CPA3: variants seen among roughly 807,000 people sequenced by gnomAD.
CPA3 encodes the protein mast cell carboxypeptidase A.
CPA3 carries 52 observed loss-of-function variants against 55.8 expected under a neutral mutation model. That is an observed-to-expected ratio of 0.93 (90% CI 0.75 to 1.17). The LOEUF is 1.17. CPA3 is among the 50% of genes most tolerant of loss of function. CPA3 has a pLI of 0.00. For missense variants in CPA3, 547 were observed against 509.1 expected (o/e 1.07, Z -0.72); for synonymous variants, 179 against 171.2 (o/e 1.05, Z -0.36).
intron 10 of CPA3, among the ~76,000 whole-genome samples, chr3:148,887,079 A>C (rs1295700641): frequency 6.6e-6 from 1 of 151,798 alleles, no homozygotes; most frequent in Non-Finnish European, 1.5e-5. Context: ...CTTGGCCTTG[A>C]TTTTCTTGTC....
At chr3:148,896,023 A>G (rs1714818083) in intron 10 of CPA3, among the ~76,000 whole-genome samples, 1 of 152,216 alleles carries the variant, frequency 6.6e-6, no homozygotes, top group Admixed American at 6.5e-5. Flanking sequence ...AGGAGATTAA[A>G]TATGTCTTTA....
At chr3:148,880,265 T>C (rs1714324092) in intron 6 of CPA3, among the ~76,000 whole-genome samples, 1 of 152,148 alleles carries the variant, frequency 6.6e-6, no homozygotes, top group African/African-American at 2.4e-5. Flanking sequence ...AGATAATACA[T>C]TGGCCGCACA....
rs9872788 is a variant in CPA3 at position 148,867,300 on chromosome 3, G to A, written c.145-1615G>A. Among the ~76,000 whole-genome samples the A allele has an allele frequency of 8.0e-4, 122 of 152,278 alleles. 1 individual carries two copies. Among genetic ancestry groups the A allele is most frequent in the African/African-American group, 1.1e-3 (47 of 41,570 alleles). On this transcript the variant is annotated intron_variant, in intron 2 of 10. Transcript: ENST00000296046. The stretch of plus-strand genomic sequence containing the variant: ...ACTCAGGCAGTGTCTCCTGCAGGAC[G>A]TCTCTTCTGTTCATCAACTCTCGTG...
rs569851077 is a variant in CPA3 at position 148,869,760 on chromosome 3, G to T, written c.269+721G>T. Among the ~76,000 whole-genome samples the T allele has an allele frequency of 3.3e-5, 5 of 152,254 alleles. No homozygotes were observed. In the South Asian group the frequency reaches 1.0e-3, roughly 32 times the overall value. ...GCCCTGGGCAGTGAATGAGAAGGAA[G>T]CCCAGCAATGAATATCATAAATCAA... is the stretch of plus-strand genomic sequence containing the variant. On this transcript the variant is annotated intron_variant, in intron 3 of 10. Transcript: ENST00000296046.
At chr3:148,874,404 GC>G (rs1198560765) in intron 3 of CPA3, among the ~76,000 whole-genome samples, 9 of 152,248 alleles carry the variant, frequency 5.9e-5, no homozygotes, top group Non-Finnish European at 1.2e-4. Context: ...AAAGCCACGT[GC>G]CCTTTTTAGA....
chr3:148,875,601 C>T (rs534723375), intron 3 of CPA3, among the ~76,000 whole-genome samples: 6 of 151,948 alleles, frequency 3.9e-5, no homozygotes, highest in African/African-American at 1.2e-4. Context: ...CTACTGATAA[C>T]AGTGTGTTCG....
intron 7 of CPA3, among the ~76,000 whole-genome samples, chr3:148,882,026 A>G (rs930969242): frequency 6.6e-6 from 1 of 152,196 alleles, no homozygotes; most frequent in African/African-American, 2.4e-5. Context: ...AGAGAGGTAC[A>G]GATACCTATT....
chr3:148,878,838 A>C (rs1714283867), intron 5 of CPA3, 90 bp downstream of exon 5: 1 of 728,944 alleles, frequency 1.4e-6, no homozygotes, highest in Non-Finnish European at 2.3e-6. Context: ...GCTAATTCTG[A>C]GCTAATACAT....
At chr3:148,888,773 A>G (rs755127189) in intron 10 of CPA3, among the ~76,000 whole-genome samples, 6 of 152,262 alleles carry the variant, frequency 3.9e-5, no homozygotes, top group Non-Finnish European at 8.8e-5. Context: ...GTGTGTATCC[A>G]CAAAAGTATG....
intron 10 of CPA3, among the ~76,000 whole-genome samples, chr3:148,887,509 G>A (rs555718884): frequency 6.6e-6 from 1 of 152,210 alleles, no homozygotes; most frequent in South Asian, 2.1e-4. Flanking sequence ...CCTGACCACT[G>A]CACATACTGT....
chr3:148,893,216 G>A (rs539527028), intron 10 of CPA3, among the ~76,000 whole-genome samples: 1 of 151,064 alleles, frequency 6.6e-6, no homozygotes, highest in African/African-American at 2.4e-5. Flanking sequence ...TTCAAACATT[G>A]GAAAAGAATT....
intron 10 of CPA3, among the ~76,000 whole-genome samples, chr3:148,886,941 A>G (rs1714548799): frequency 6.6e-6 from 1 of 152,166 alleles, no homozygotes; most frequent in Non-Finnish European, 1.5e-5. Context: ...TGTATGGTGA[A>G]CTAGAAGGGA....
intron 3 of CPA3, 40 bp from the exon 4 acceptor site, chr3:148,878,401 C>T (rs1172367558): frequency 3.7e-6 from 5 of 1,356,150 alleles, no homozygotes; most frequent in Non-Finnish European, 5.3e-6. Flanking sequence ...TTTCCTTTCT[C>T]ATGATAAAAC....
intron 2 of CPA3, among the ~76,000 whole-genome samples, chr3:148,867,016 A>G (rs568595174): frequency 6.6e-6 from 1 of 152,242 alleles, no homozygotes; most frequent in East Asian, 1.9e-4. Context: ...TCAGCCTCCC[A>G]AAATGCTGGG....
chr3:148,886,514 G>A (rs888873260), intron 10 of CPA3, among the ~76,000 whole-genome samples: 2 of 150,296 alleles, frequency 1.3e-5, no homozygotes, highest in Non-Finnish European at 3.0e-5. Flanking sequence ...AGGAACTAAT[G>A]AGAATTCACT....
chr3:148,868,752 A>C (rs1713977599), intron 2 of CPA3, among the ~76,000 whole-genome samples, 163 bp from the exon 3 acceptor site: 1 of 152,150 alleles, frequency 6.6e-6, no homozygotes, highest in Non-Finnish European at 1.5e-5. Flanking sequence ...CAGTTCTTAA[A>C]TATATTTGCA....
At position 148,894,395 on chromosome 3, in the gene CPA3, T is replaced by C. The variant is rs78841765; in HGVS notation, c.1067-2125T>C. Among the ~76,000 whole-genome samples the C allele has an allele frequency of 6.4e-3, 929 of 146,142 alleles. 6 individuals are homozygous for C. Among genetic ancestry groups the C allele is most frequent in the African/African-American group, 0.022 (885 of 39,362 alleles). On this transcript the variant is annotated intron_variant, in intron 10 of 10. Transcript: ENST00000296046. ...ACTATAAATCAATCAAATGGAATCC[T>C]AAAAATGTCATGTAACCAAGAGGAA... is the stretch of plus-strand genomic sequence containing the variant.
chr3:148,896,774 T>C lies in CPA3; in HGVS notation c.*67T>C. 1.6e-6 allele frequency: 2 copies of C among 1,285,412 alleles called. No individual in the cohort carries two copies. Among genetic ancestry groups the C allele is most frequent in the Non-Finnish European group, 2.1e-6 (2 of 951,418 alleles). The allele number at this position is 1,285,412 out of a possible 1,614,324, so 79.6% of individuals were successfully genotyped here. A position where few individuals can be genotyped will look rare whatever the true frequency, so the allele number is the denominator to read the frequency against. On this transcript the variant is annotated 3_prime_UTR_variant, in exon 11 of 11. Transcript: ENST00000296046. ...TGTGCCTTTCATCAGAAAGTCAATCTTCAGTTATCCCCAAATGCAGCTTCT... is the reference window on the plus strand; with the variant it reads ...TGTGCCTTTCATCAGAAAGTCAATCCTCAGTTATCCCCAAATGCAGCTTCT...
rs141324442 is a variant in CPA3 at position 148,896,631 on chromosome 3, G to A, written c.1178G>A (p.Arg393Gln). The change falls in exon 11 of 11, where the codon CGG becomes CAG. Residue 393 changes from arginine (R) to glutamine (Q), a missense_variant. Transcript: ENST00000296046. ...TTTGGTTTTCTCCTTCCAGAATCCC[G>A]GATAAAGCCAACGTGCAGAGAGACC... The part of the protein sequence containing the change: ...GKFGFLLPES[R>Q]IKPTCRETML... The A allele has an allele frequency of 1.9e-5, 31 of 1,590,380 alleles. No individual in the cohort carries two copies. Among genetic ancestry groups the A allele is most frequent in the South Asian group, 1.4e-4 (12 of 88,626 alleles).
Sources: gnomAD v4.1 joint callset for allele counts (sites outside exome capture counted in the v4.1 genomes callset) on GRCh38, gnomAD v4.1.1 for gene constraint, MANE v1.5 for transcripts, NCBI Gene and HGNC (gene_info 2026-07-23, HGNC 2026-07-21) for gene names.